The following PRKG1 variants were observed in gnomAD, a reference collection of about 807,000 sequenced individuals.
PRKG1 encodes the protein protein kinase cGMP-dependent 1.
Under a neutral mutation model 88.1 loss-of-function variants are expected in PRKG1, and 35 were observed. The observed-to-expected ratio is 0.40, with a 90% CI of 0.30 to 0.53. The LOEUF is 0.53. PRKG1 is among the 20% of genes least tolerant of loss of function. The pLI is 0.59. For missense variants in PRKG1, 540 were observed against 839.8 expected (o/e 0.64, Z 4.41); for synonymous variants, 303 against 292.5 (o/e 1.04, Z -0.37).
Position 52,078,269 on chromosome 10 carries a change from T to C in PRKG1, c.935+15638T>C, listed in dbSNP as rs1846682688. ...ACAAATAGTCAAGAATTGTAAAACA[T>C]GTACTTGAAGTTAATCTTAAAATTG... On this transcript the variant is annotated intron_variant, in intron 7 of 17. Coordinates refer to ENST00000373980, the MANE Select transcript of PRKG1 (RefSeq NM_006258.4). 2.0e-5 allele frequency among the ~76,000 whole-genome samples: 3 copies of C among 152,198 alleles called. No individual in the cohort carries two copies. The South Asian group carries it at 6.2e-4, about 31-fold the overall frequency.
In PRKG1 at chr10:51,906,826, C is replaced by T. The variant is rs530423001; in HGVS notation, c.699-681C>T. Among the ~76,000 whole-genome samples, 157 of 152,156 alleles carry T rather than the reference C, an allele frequency of 1.0e-3. 2 individuals carry two copies. The highest frequency in any genetic ancestry group is 2.8e-3 in the Admixed American group (43 of 15,276). On this transcript the variant is annotated intron_variant, in intron 4 of 17. Transcript: ENST00000373980. ...AGCTCTACAGGAGAGAAATAATTTTCAAAATATGTCAAAGGAATATATTTT... is the reference window on the plus strand; with the variant it reads ...AGCTCTACAGGAGAGAAATAATTTTTAAAATATGTCAAAGGAATATATTTT...
intron 5 of PRKG1, among the ~76,000 whole-genome samples, chr10:51,989,034 A>G (rs1844234650): frequency 6.6e-6 from 1 of 152,064 alleles, no homozygotes; most frequent in Non-Finnish European, 1.5e-5. Flanking sequence ...ACCTGAAATT[A>G]TTCTCTGCCC....
At chr10:51,064,081 A>G (rs1843722053) in intron 1 of PRKG1, among the ~76,000 whole-genome samples, 1 of 152,078 alleles carries the variant, frequency 6.6e-6, no homozygotes, top group South Asian at 2.1e-4. Flanking sequence ...ATCAGAAACT[A>G]TTTGCTAAAA....
intron 5 of PRKG1, among the ~76,000 whole-genome samples, chr10:51,975,904 T>C (rs1203831054): frequency 1.3e-5 from 2 of 152,064 alleles, no homozygotes; most frequent in Non-Finnish European, 2.9e-5. Flanking sequence ...AATATTTGTC[T>C]TACTATTCAA....
chr10:51,208,689 A>G (rs184605822), intron 2 of PRKG1, among the ~76,000 whole-genome samples: 228 of 152,296 alleles, frequency 1.5e-3, no homozygotes, highest in Admixed American at 3.2e-3. Context: ...GATGAAAGGG[A>G]AGAAAATCAG....
chr10:51,943,127 A>C (rs12248987), intron 5 of PRKG1, among the ~76,000 whole-genome samples: 2,326 of 151,876 alleles, frequency 0.015, 71 homozygotes, highest in African/African-American at 0.051. Context: ...CTTTTATTTC[A>C]TTGAGCAGTG....
intron 9 of PRKG1, among the ~76,000 whole-genome samples, chr10:52,180,493 A>G (rs566714082): frequency 1.3e-5 from 2 of 152,354 alleles, no homozygotes; most frequent in East Asian, 3.9e-4. Flanking sequence ...CTGGTGGAAC[A>G]GTTATCTCTT....
At chr10:51,497,305 A>G (rs1589018052) in intron 3 of PRKG1, among the ~76,000 whole-genome samples, 1 of 152,246 alleles carries the variant, frequency 6.6e-6, no homozygotes, top group East Asian at 1.9e-4. Flanking sequence ...GACACCCAAT[A>G]CTTTTCCCGT....
intron 4 of PRKG1, among the ~76,000 whole-genome samples, chr10:51,894,426 C>T (rs1056837807): frequency 2.0e-5 from 3 of 152,136 alleles, no homozygotes; most frequent in Admixed American, 2.0e-4. Context: ...AACAGGTACA[C>T]AATTTCAGCT....
intron 3 of PRKG1, among the ~76,000 whole-genome samples, chr10:51,686,885 G>A (rs552539643): frequency 1.7e-4 from 26 of 152,124 alleles, no homozygotes; most frequent in Middle Eastern, 3.4e-3. Context: ...ACAGGTGCCC[G>A]CCATCAGGCC....
intron 17 of PRKG1, 118 bp from the exon 18 acceptor site, chr10:52,293,684 A>C: frequency 1.3e-6 from 1 of 751,216 alleles, no homozygotes; most frequent in Non-Finnish European, 2.3e-6. Context: ...CCTGCTACAT[A>C]GTAGATACTC....
At chr10:51,428,874 A>G (rs1222256581) in intron 2 of PRKG1, among the ~76,000 whole-genome samples, 4 of 152,218 alleles carry the variant, frequency 2.6e-5, no homozygotes, top group Non-Finnish European at 5.9e-5. Context: ...AGGACAGTAG[A>G]TTCACCAAAA....
At chr10:51,415,072 G>T (rs942587526) in intron 2 of PRKG1, among the ~76,000 whole-genome samples, 2 of 152,132 alleles carry the variant, frequency 1.3e-5, no homozygotes, top group Non-Finnish European at 2.9e-5. Context: ...TTTTACAGAT[G>T]TGGCACAATG....
intron 5 of PRKG1, among the ~76,000 whole-genome samples, chr10:52,049,293 A>G (rs563440027): frequency 2.2e-4 from 33 of 152,274 alleles, no homozygotes; most frequent in African/African-American, 7.7e-4. Context: ...GAGGAGTGCT[A>G]GAGAAAGGAC....
At position 51,784,041 on chromosome 10, in the gene PRKG1, T is replaced by G. The variant is rs149292402; in HGVS notation, c.593-20544T>G. Among the ~76,000 whole-genome samples the G allele has an allele frequency of 2.6e-3, 401 of 152,228 alleles. 1 individual carries two copies. The highest frequency in any genetic ancestry group is 4.7e-3 in the Admixed American group (72 of 15,268). ...CATCCCTTTTGACATTTCATTATAT[T>G]TGGTTGCTGCTTTTAACACTCCCCT... On this transcript the variant is annotated intron_variant, in intron 3 of 17. Transcript: ENST00000373980.
intron 9 of PRKG1, among the ~76,000 whole-genome samples, chr10:52,251,075 C>T (rs1381118354): frequency 6.6e-6 from 1 of 152,034 alleles, no homozygotes; most frequent in East Asian, 1.9e-4. Flanking sequence ...GCTGTGATTT[C>T]GCTCCAGAGA....
At chr10:51,965,215 T>A (rs2447654) in intron 5 of PRKG1, among the ~76,000 whole-genome samples, 1 of 151,816 alleles carries the variant, frequency 6.6e-6, no homozygotes. Context: ...TTATTTTTCC[T>A]GATTCTTTCT....
chr10:51,064,589 G>C (rs1843728096), intron 1 of PRKG1, among the ~76,000 whole-genome samples: 2 of 151,950 alleles, frequency 1.3e-5, no homozygotes, highest in East Asian at 3.9e-4. Context: ...TTTTTTTAAG[G>C]TTGACAACAA....
At chr10:51,790,705 T>G (rs1838847937) in intron 3 of PRKG1, among the ~76,000 whole-genome samples, 1 of 152,186 alleles carries the variant, frequency 6.6e-6, no homozygotes, top group African/African-American at 2.4e-5. Flanking sequence ...TCTGATCTTT[T>G]GATGTAGAGT....
Sources: allele counts gnomAD v4.1 joint callset (sites outside exome capture counted in the v4.1 genomes callset), GRCh38; gene constraint gnomAD v4.1.1; transcripts MANE v1.5; gene names NCBI Gene and HGNC (gene_info 2026-07-23, HGNC 2026-07-21).